The following CEP112 variants were observed in gnomAD, a reference collection of about 807,000 sequenced individuals.
CEP112 encodes centrosomal protein of 112 kDa.
CEP112 carries 127 observed loss-of-function variants against 153.0 expected under a neutral mutation model. The observed-to-expected ratio is 0.83, with a 90% confidence interval of 0.72 to 0.96. CEP112 has a LOEUF of 0.96. Among genes scored for constraint, CEP112 ranks in the 40% least tolerant of loss-of-function variants. The pLI is 0.00. For missense variants in CEP112, 1,089 were observed against 1,101.2 expected, an observed-to-expected ratio of 0.99 and a Z score of 0.16; for synonymous variants, 358 against 374.4, an observed-to-expected ratio of 0.96 and a Z score of 0.51.
Position 65,637,138 on chromosome 17 carries a change from T to C in CEP112, c.2850A>G (p.Thr950=). ...RASILQEELT[T]YQGRR is the part of the protein sequence containing the mutation. ...ATGGGCTGTACCTTCTGCCTTGATATGTAGTCAGTTCTTCCTGAAGGATGG... is the reference window on the plus strand; with the variant it reads ...ATGGGCTGTACCTTCTGCCTTGATACGTAGTCAGTTCTTCCTGAAGGATGG... The change falls in exon 26 of 27, where the codon ACA becomes ACG. Residue 950 remains threonine, a synonymous_variant. Coordinates refer to ENST00000535342, the MANE Select transcript of CEP112 (RefSeq NM_001199165.4). 3.1e-6 allele frequency: 5 copies of C among 1,613,966 alleles called. No individual in the cohort carries two copies. The highest frequency in any genetic ancestry group is 4.2e-6 in the Non-Finnish European group (5 of 1,179,830).
At position 65,635,910 on chromosome 17, in the gene CEP112, C is replaced by T; in HGVS notation, c.*61G>A. ...AGTTTACAATATCCAAATCTTCAAA[C>T]CTGCTGGAAGAAGTCCACAGCACAG... On this transcript the variant is annotated 3_prime_UTR_variant, in exon 27 of 27. Coordinates refer to ENST00000535342, the MANE Select transcript of CEP112 (RefSeq NM_001199165.4). The T allele has an allele frequency of 6.4e-7, 1 of 1,562,752 alleles. No individual in the cohort carries two copies. The highest frequency in any genetic ancestry group is 8.7e-7 in the Non-Finnish European group (1 of 1,146,554).
intron 17 of CEP112, among the ~76,000 whole-genome samples, chr17:65,968,825 A>G (rs1196956203): frequency 6.6e-6 from 1 of 151,522 alleles, no homozygotes; most frequent in Non-Finnish European, 1.5e-5. Context: ...TACATGTAAC[A>G]TTATTTCTTT....
intron 17 of CEP112, among the ~76,000 whole-genome samples, chr17:65,973,763 G>C (rs4239079): frequency 0.48 from 72,904 of 151,894 alleles, 18,478 homozygotes; most frequent in East Asian, 0.89. Context: ...CATGAGAGCA[G>C]GAGAGAACAA....
rs2062661579 is a variant in CEP112 at position 65,970,406 on chromosome 17, AT to A, written c.1737-8809del. On this transcript the variant is annotated intron_variant, in intron 17 of 26. Transcript: ENST00000535342. Reference sequence around the variant, plus strand: ...GCATATATATTACATGCATGCACACATCATGCATGTATATTACATGCATGCA... The same window carrying A: ...GCATATATATTACATGCATGCACACACATGCATGTATATTACATGCATGCA... Among the ~76,000 whole-genome samples the A allele has an allele frequency of 3.9e-5, 4 of 103,422 alleles. 1 individual carries two copies. The highest frequency in any genetic ancestry group is 1.5e-4 in the African/African-American group (4 of 26,260). The allele number at this position is 103,422 out of a possible 152,430, so 67.8% of individuals were successfully genotyped here.
intron 20 of CEP112, among the ~76,000 whole-genome samples, chr17:65,884,998 G>T (rs2059225670): frequency 6.6e-6 from 1 of 152,044 alleles, no homozygotes; most frequent in Admixed American, 6.5e-5. Flanking sequence ...TTACAGGTGT[G>T]AGCCATCGCG....
At chr17:65,960,403 T>C (rs905490979) in intron 18 of CEP112, among the ~76,000 whole-genome samples, 1 of 152,174 alleles carries the variant, frequency 6.6e-6, no homozygotes, top group African/African-American at 2.4e-5. Flanking sequence ...AAATAATATA[T>C]ACATACATAT....
intron 19 of CEP112, among the ~76,000 whole-genome samples, chr17:65,916,287 G>GTGTGTGTGTATGTATGTA (rs138734881): frequency 6.8e-6 from 1 of 147,494 alleles, no homozygotes; most frequent in Non-Finnish European, 1.5e-5. Flanking sequence ...GTGTGTGTGT[G>GTGTGTGTGTATGTATGTA]TGTGTATGTG....
intron 24 of CEP112, 79 bp from the exon 25 acceptor site, chr17:65,641,144 C>A: frequency 1.3e-6 from 1 of 760,208 alleles, no homozygotes; most frequent in East Asian, 2.5e-5. Flanking sequence ...CAGAACAGAT[C>A]TGTTCATCAC....
At chr17:66,157,151 G>A (rs1236727375) in intron 4 of CEP112, among the ~76,000 whole-genome samples, 1 of 152,144 alleles carries the variant, frequency 6.6e-6, no homozygotes, top group Admixed American at 6.5e-5. Flanking sequence ...ACCCACAAAG[G>A]GAAGCCCATC....
intron 22 of CEP112, among the ~76,000 whole-genome samples, chr17:65,747,808 G>C (rs1209027466): frequency 6.6e-6 from 1 of 152,138 alleles, no homozygotes; most frequent in Non-Finnish European, 1.5e-5. Flanking sequence ...CGGTCTATTA[G>C]GTCCTACAGG....
chr17:66,157,910 G>A (rs138820473), intron 4 of CEP112, among the ~76,000 whole-genome samples: 2 of 152,080 alleles, frequency 1.3e-5, no homozygotes. Context: ...GACCTACAAA[G>A]AGACTTAGAC....
intron 20 of CEP112, among the ~76,000 whole-genome samples, chr17:65,895,751 C>T (rs1212106272): frequency 6.6e-6 from 1 of 152,170 alleles, no homozygotes; most frequent in East Asian, 1.9e-4. Context: ...GGTTTCTTAT[C>T]TGTAAATGGA....
chr17:66,056,777 G>A (rs1378903288), intron 11 of CEP112, among the ~76,000 whole-genome samples: 1 of 152,090 alleles, frequency 6.6e-6, no homozygotes, highest in African/African-American at 2.4e-5. Context: ...TTTCTTTCTA[G>A]GGCAATGAAA....
intron 18 of CEP112, 138 bp downstream of exon 18, chr17:65,961,325 A>C: frequency 1.3e-6 from 1 of 767,362 alleles, no homozygotes; most frequent in South Asian, 2.4e-5. Flanking sequence ...TCTCATTCTG[A>C]ATCTCTGACC....
chr17:66,156,119 C>T (rs899195428), intron 4 of CEP112, among the ~76,000 whole-genome samples: 3 of 152,140 alleles, frequency 2.0e-5, no homozygotes, highest in African/African-American at 7.2e-5. Flanking sequence ...TCGACAGAAA[C>T]CTCATACAGG....
At chr17:65,670,896 C>T (rs565408897) in intron 24 of CEP112, among the ~76,000 whole-genome samples, 9 of 3,372 alleles carry the variant, frequency 2.7e-3, no homozygotes, top group South Asian at 0.015. Flanking sequence ...TGGTAGTGGG[C>T]GGGGGGGGCG....
chr17:65,924,074 T>A (rs2060831250), intron 19 of CEP112, among the ~76,000 whole-genome samples: 3 of 152,104 alleles, frequency 2.0e-5, no homozygotes, highest in Admixed American at 2.0e-4. Context: ...CCTCCCAGGT[T>A]CACACCATTC....
chr17:66,011,527 G>A (rs2064527166), intron 16 of CEP112, among the ~76,000 whole-genome samples: 1 of 152,052 alleles, frequency 6.6e-6, no homozygotes, highest in Admixed American at 6.6e-5. Flanking sequence ...TTATATGGCT[G>A]TCAGCGATTT....
In CEP112 at chr17:66,029,190, A is replaced by G; in HGVS notation, c.1436T>C (p.Leu479Pro). ...ATCAGCATCATATTTGGTTTGTAACAGTTTCATGTTTTGCTCATAATCATT... is the reference window on the plus strand; with the variant it reads ...ATCAGCATCATATTTGGTTTGTAACGGTTTCATGTTTTGCTCATAATCATT... The part of the protein sequence containing the change: ...LVNDYEQNMK[L>P]LQTKYDADIN... Residue 479 changes from leucine to proline, a missense_variant, in exon 14 of 27, where the codon CTG (leucine) becomes CCG (proline). By Grantham distance (98) the Leu-to-Pro change is moderately conservative. Coordinates refer to ENST00000535342, the MANE Select transcript of CEP112 (RefSeq NM_001199165.4). The G allele has an allele frequency of 3.7e-6, 6 of 1,611,344 alleles. No homozygotes were observed. Among genetic ancestry groups the G allele is most frequent in the South Asian group, 2.2e-5 (2 of 90,996 alleles).
Sources: allele counts gnomAD v4.1 joint callset (sites outside exome capture counted in the v4.1 genomes callset), GRCh38; gene constraint gnomAD v4.1.1; transcripts MANE v1.5; gene names NCBI Gene and HGNC (gene_info 2026-07-23, HGNC 2026-07-21).